Variants in MREG observed in about 807,000 individuals in gnomAD.
MREG encodes the protein melanoregulin.
Under a neutral mutation model 28.5 loss-of-function variants are expected in MREG, and 31 were observed. The observed-to-expected ratio is 1.09, with a 90% CI of 0.82 to 1.47. The LOEUF (loss-of-function observed/expected upper bound fraction) is 1.47, where lower values mean the gene tolerates loss of function less well. Ranked by LOEUF, MREG falls within the 40% of genes most tolerant of loss-of-function variation. The probability of loss-of-function intolerance (pLI) is 0.00; values close to 1 mark genes in which losing one functional copy is unlikely to be tolerated. For missense variants in MREG, 256 were observed against 257.4 expected (o/e 0.99, Z 0.04); for synonymous variants, 106 against 95.2 (o/e 1.11, Z -0.66).
chr2:216,028,363 C>T (rs1001274910), intron 1 of MREG, among the ~76,000 whole-genome samples: 5 of 151,896 alleles, frequency 3.3e-5, no homozygotes, highest in Non-Finnish European at 7.4e-5. Flanking sequence ...CCCGTCACTA[C>T]TAAAAATACA....
At chr2:215,980,865 GAGGGCAGGGCAGGGCAGGGCAGGAC>G (rs1263712796) in intron 2 of MREG, among the ~76,000 whole-genome samples, 28 of 140,974 alleles carry the variant, frequency 2.0e-4, no homozygotes, top group Non-Finnish European at 3.9e-4. Context: ...GAGGGGAGGG[GAGGGCAGGGCAGGGCAGGGCAGGAC>G]AGGGCAGGGC....
intron 2 of MREG, among the ~76,000 whole-genome samples, chr2:215,971,144 T>A (rs1420344899): frequency 6.6e-6 from 1 of 151,844 alleles, no homozygotes; most frequent in Non-Finnish European, 1.5e-5. Flanking sequence ...TGTCAGGGGA[T>A]GGGGCGCAAG....
chr2:215,948,673 C>A (rs982469724), intron 2 of MREG, among the ~76,000 whole-genome samples: 1 of 152,204 alleles, frequency 6.6e-6, no homozygotes, highest in Non-Finnish European at 1.5e-5. Context: ...TTGGAAAATA[C>A]TGTGGGTGCT....
rs189038013 is a variant in MREG at position 215,988,620 on chromosome 2, C to T, written c.255+7686G>A. 2.6e-3 allele frequency among the ~76,000 whole-genome samples: 395 copies of T among 152,332 alleles called. 1 individual carries two copies. Among genetic ancestry groups the T allele is most frequent in the Middle Eastern group, 0.01 (3 of 294 alleles). On this transcript the variant is annotated intron_variant, in intron 2 of 4. Coordinates refer to ENST00000263268, the MANE Select transcript of MREG (RefSeq NM_018000.3). ...CTCAGCAGATCCCACTCCCATGGAG[C>T]CCAGCAAGCTAAGATCCACTGGCTT... is the stretch of plus-strand genomic sequence containing the variant.
chr2:215,962,423 C>T (rs561508663), intron 2 of MREG, among the ~76,000 whole-genome samples: 2 of 152,210 alleles, frequency 1.3e-5, no homozygotes, highest in South Asian at 4.1e-4. Context: ...TGCCATTTTC[C>T]ATGTGATATT....
In MREG at chr2:215,957,780, G is replaced by A. The variant is rs1044085511; in HGVS notation, c.256-10667C>T. On this transcript the variant is annotated intron_variant, in intron 2 of 4. Coordinates refer to ENST00000263268, the MANE Select transcript of MREG (RefSeq NM_018000.3). ...CTCCTTGGAAACTTCCCTGGACAGC[G>A]TGCCCCCTTCTTCCCCCATGCTTGT... Among the ~76,000 whole-genome samples, 45 of 152,156 alleles carry A rather than the reference G, an allele frequency of 3.0e-4. 1 individual carries two copies. Among genetic ancestry groups the A allele is most frequent in the Admixed American group, 2.1e-3 (32 of 15,282 alleles).
intron 1 of MREG, among the ~76,000 whole-genome samples, chr2:216,007,496 C>G (rs1018829929): frequency 6.6e-6 from 1 of 152,010 alleles, no homozygotes; most frequent in Non-Finnish European, 1.5e-5. Context: ...GTATCTCAAT[C>G]TTGGCTCACT....
chr2:215,995,264 C>G (rs1231310825), intron 2 of MREG, among the ~76,000 whole-genome samples: 1 of 152,144 alleles, frequency 6.6e-6, no homozygotes, highest in African/African-American at 2.4e-5. Context: ...TCCCAGTCCA[C>G]CCTTCCCCAG....
At chr2:216,026,978 T>G (rs1694606629) in intron 1 of MREG, among the ~76,000 whole-genome samples, 1 of 152,234 alleles carries the variant, frequency 6.6e-6, no homozygotes, top group Non-Finnish European at 1.5e-5. Flanking sequence ...ACATGAGAGA[T>G]AACTTCTGTC....
At chr2:215,951,888 AAAC>A (rs1370207080) in intron 2 of MREG, among the ~76,000 whole-genome samples, 1 of 152,168 alleles carries the variant, frequency 6.6e-6, no homozygotes, top group Non-Finnish European at 1.5e-5. Context: ...CATAAAACTA[AAAC>A]AACATTTGAT....
intron 1 of MREG, among the ~76,000 whole-genome samples, chr2:216,020,846 G>A (rs1694509330): frequency 6.6e-6 from 1 of 152,206 alleles, no homozygotes; most frequent in African/African-American, 2.4e-5. Context: ...GGAGCTCTCT[G>A]CAAGAGGAAC....
chr2:215,964,079 C>T (rs747031051), intron 2 of MREG, among the ~76,000 whole-genome samples: 2 of 152,108 alleles, frequency 1.3e-5, no homozygotes, highest in African/African-American at 4.8e-5. Flanking sequence ...AAATAAACTT[C>T]ACTAGTAAAA....
intron 2 of MREG, among the ~76,000 whole-genome samples, chr2:215,960,208 G>T (rs1000465061): frequency 6.6e-6 from 1 of 152,122 alleles, no homozygotes. Flanking sequence ...GCCCGCCTTG[G>T]CCTCCCAAAG....
At chr2:216,012,019 T>G (rs998346269) in intron 1 of MREG, among the ~76,000 whole-genome samples, 2 of 152,218 alleles carry the variant, frequency 1.3e-5, no homozygotes, top group African/African-American at 2.4e-5. Context: ...TGACTTTATA[T>G]ATATAATATA....
chr2:215,956,639 A>G (rs1212218086), intron 2 of MREG, among the ~76,000 whole-genome samples: 28 of 152,132 alleles, frequency 1.8e-4, no homozygotes, highest in Admixed American at 1.8e-3. Flanking sequence ...CCCAAACTCA[A>G]GCAATCCTCC....
intron 1 of MREG, among the ~76,000 whole-genome samples, chr2:216,029,877 T>C (rs1332613695): frequency 6.6e-6 from 1 of 152,226 alleles, no homozygotes; most frequent in African/African-American, 2.4e-5. Context: ...AAGAGAGGAA[T>C]GTGCATGCCA....
chr2:216,019,714 C>G (rs1694494782), intron 1 of MREG, among the ~76,000 whole-genome samples: 2 of 151,968 alleles, frequency 1.3e-5, no homozygotes, highest in African/African-American at 4.8e-5. Context: ...CACCATGTTA[C>G]CAGGATGGTC....
chr2:216,013,148 T>G, intron 1 of MREG, 85 bp downstream of exon 1: 1 of 1,230,530 alleles, frequency 8.1e-7, no homozygotes, highest in South Asian at 1.3e-5. Flanking sequence ...CCTCCCCAAC[T>G]CACACAAGCA....
chr2:216,005,444 C>CTTTTTTTTTTTT (rs58288878), intron 1 of MREG, among the ~76,000 whole-genome samples: 10 of 86,324 alleles, frequency 1.2e-4, no homozygotes, highest in Non-Finnish European at 2.2e-4. Flanking sequence ...TCTAGTTATT[C>CTTTTTTTTTTTT]TTTTTTTTTT....
Sources: allele counts gnomAD v4.1 joint callset (sites outside exome capture counted in the v4.1 genomes callset), GRCh38; gene constraint gnomAD v4.1.1; transcripts MANE v1.5; gene names NCBI Gene and HGNC (gene_info 2026-07-23, HGNC 2026-07-21).